The following PARD3 variants were observed in gnomAD, a reference collection of about 807,000 sequenced individuals.
PARD3 encodes par-3 family cell polarity regulator, also known as partitioning defective 3 homolog.
In PARD3, 75 loss-of-function variants were observed where a neutral mutation model predicts 155.4. That is an observed-to-expected ratio of 0.48 (90% CI 0.40 to 0.58). The LOEUF is 0.58. PARD3 is among the 20% of genes least tolerant of loss of function. The pLI, the probability that PARD3 is intolerant of heterozygous loss-of-function variation, is 0.00. For missense variants in PARD3, 1,642 were observed against 1,721.7 expected, an observed-to-expected ratio of 0.95 and a Z score of 0.82; for synonymous variants, 576 against 610.5, an observed-to-expected ratio of 0.94 and a Z score of 0.83.
At chr10:34,116,902 G>A (rs1203686753) in intron 24 of PARD3, among the ~76,000 whole-genome samples, 3 of 151,742 alleles carry the variant, frequency 2.0e-5, no homozygotes, top group Admixed American at 6.6e-5. Flanking sequence ...AGGCGCTTCC[G>A]CAGGGAGAGG....
rs1281473467 is a variant in PARD3 at position 34,697,082 on chromosome 10, C to T, written c.121-663G>A. On this transcript the variant is annotated intron_variant, in intron 1 of 24. Coordinates refer to ENST00000374788, the MANE Select transcript of PARD3 (RefSeq NM_001184785.2). ...CCCCTCAAAATTTGCAGTGGTTATCCTGCAGTGGGATTGAGGAGAAGGAAA... is the reference window on the plus strand; with the variant it reads ...CCCCTCAAAATTTGCAGTGGTTATCTTGCAGTGGGATTGAGGAGAAGGAAA... 2.1e-5 allele frequency among the ~76,000 whole-genome samples: 3 copies of T among 143,904 alleles called. No homozygotes were observed. In the East Asian group the frequency reaches 6.1e-4, roughly 29 times the overall value. 94.4% of individuals were successfully genotyped at this position (143,904 alleles called of 152,430 possible).
chr10:34,699,943 T>C (rs1413712691), intron 1 of PARD3, among the ~76,000 whole-genome samples: 2 of 152,210 alleles, frequency 1.3e-5, no homozygotes, highest in African/African-American at 2.4e-5. Context: ...TCTACAATAA[T>C]TGTATCAGTC....
intron 2 of PARD3, among the ~76,000 whole-genome samples, chr10:34,636,452 C>A (rs2092479015): frequency 6.6e-6 from 1 of 152,212 alleles, no homozygotes; most frequent in African/African-American, 2.4e-5. Context: ...GTCCCTCCAC[C>A]CCACCACAAA....
chr10:34,112,957 G>A (rs1457827222), intron 24 of PARD3, among the ~76,000 whole-genome samples: 3 of 152,124 alleles, frequency 2.0e-5, no homozygotes, highest in Admixed American at 6.6e-5. Flanking sequence ...TAGATGTGAT[G>A]GAATAGTTTA....
chr10:34,443,646 C>G (rs763374942), intron 5 of PARD3, among the ~76,000 whole-genome samples: 1 of 152,022 alleles, frequency 6.6e-6, no homozygotes, highest in South Asian at 2.1e-4. Context: ...GACCTGCCTG[C>G]CCCCATGATT....
chr10:34,198,126 A>T (rs1410869511), intron 22 of PARD3, among the ~76,000 whole-genome samples: 5 of 152,222 alleles, frequency 3.3e-5, no homozygotes, highest in Non-Finnish European at 5.9e-5. Context: ...TAACAGCAAG[A>T]TTCAGAAATT....
chr10:34,708,211 A>G (rs2133600581), intron 1 of PARD3, among the ~76,000 whole-genome samples: 1 of 151,120 alleles, frequency 6.6e-6, no homozygotes, highest in East Asian at 1.9e-4. Flanking sequence ...CCAGAATATG[A>G]GTTTTTCTTT....
At chr10:34,280,237 T>C (rs1956094538) in intron 21 of PARD3, among the ~76,000 whole-genome samples, 1 of 152,182 alleles carries the variant, frequency 6.6e-6, no homozygotes, top group Admixed American at 6.5e-5. Context: ...AAACATTTAA[T>C]ATGATTTTCT....
At chr10:34,183,366 T>A (rs946304496) in intron 22 of PARD3, among the ~76,000 whole-genome samples, 1 of 152,178 alleles carries the variant, frequency 6.6e-6, no homozygotes, top group Non-Finnish European at 1.5e-5. Flanking sequence ...AAGAAATAAT[T>A]TTTAGGCAGA....
intron 22 of PARD3, among the ~76,000 whole-genome samples, chr10:34,154,997 T>G (rs1452952231): frequency 6.6e-6 from 1 of 152,218 alleles, no homozygotes; most frequent in Non-Finnish European, 1.5e-5. Context: ...CAGGTAACAA[T>G]AATAGACAAG....
chr10:34,179,072 C>T (rs1371510665), intron 22 of PARD3, among the ~76,000 whole-genome samples: 2 of 152,064 alleles, frequency 1.3e-5, no homozygotes, highest in Non-Finnish European at 2.9e-5. Context: ...AGGGAAAATA[C>T]CAAAATAGGA....
chr10:34,808,604 G>A lies in PARD3; in HGVS notation c.120+6272C>T, dbSNP rs576923774. 2.6e-5 allele frequency among the ~76,000 whole-genome samples: 4 copies of A among 152,020 alleles called. No homozygotes were observed. In the East Asian group the frequency reaches 7.8e-4, roughly 29 times the overall value. On this transcript the variant is annotated intron_variant, in intron 1 of 24. Transcript: ENST00000374788. ...CCCGATGGAAAATTACCTATAGAAAGCACCTTCTGGCCCAATCTTACATGT... is the reference window on the plus strand; with the variant it reads ...CCCGATGGAAAATTACCTATAGAAAACACCTTCTGGCCCAATCTTACATGT...
At chr10:34,288,532 T>C (rs760704962) in intron 20 of PARD3, among the ~76,000 whole-genome samples, 14 of 152,214 alleles carry the variant, frequency 9.2e-5, no homozygotes, top group Non-Finnish European at 1.8e-4. Context: ...TCCTAATTTA[T>C]AGTTGCTTAA....
At chr10:34,376,043 C>T (rs1841200286) in intron 10 of PARD3, among the ~76,000 whole-genome samples, 1 of 151,936 alleles carries the variant, frequency 6.6e-6, no homozygotes, top group South Asian at 2.1e-4. Flanking sequence ...AATTTGTACT[C>T]AAACAAAAGA....
chr10:34,196,145 C>T (rs1424239672), intron 22 of PARD3, among the ~76,000 whole-genome samples: 2 of 152,194 alleles, frequency 1.3e-5, no homozygotes, highest in Non-Finnish European at 2.9e-5. Context: ...CTGTTGCTGG[C>T]CTGTGAGCTC....
chr10:34,213,402 C>T (rs1418956371), intron 22 of PARD3, among the ~76,000 whole-genome samples: 1 of 152,164 alleles, frequency 6.6e-6, no homozygotes, highest in Admixed American at 6.5e-5. Flanking sequence ...AGCACGCCCA[C>T]CATGCCCCAC....
chr10:34,142,533 A>C (rs1364858738), intron 22 of PARD3, among the ~76,000 whole-genome samples: 1 of 151,828 alleles, frequency 6.6e-6, no homozygotes, highest in Non-Finnish European at 1.5e-5. Context: ...AGACTCTGTC[A>C]AAGAAAAAGA....
intron 2 of PARD3, among the ~76,000 whole-genome samples, chr10:34,661,531 G>A (rs753126742): frequency 5.9e-5 from 9 of 152,144 alleles, no homozygotes; most frequent in Non-Finnish European, 1.3e-4. Context: ...GGGGAAAAAC[G>A]GGCAAATCTA....
At chr10:34,380,423 A>AT (rs2134723626) in intron 9 of PARD3, among the ~76,000 whole-genome samples, 1 of 152,234 alleles carries the variant, frequency 6.6e-6, no homozygotes, top group Admixed American at 6.5e-5. Context: ...ATGCAATCAT[A>AT]TTTTTCATTA....
Sources: allele counts gnomAD v4.1 joint callset (sites outside exome capture counted in the v4.1 genomes callset), GRCh38; gene constraint gnomAD v4.1.1; transcripts MANE v1.5; gene names NCBI Gene and HGNC (gene_info 2026-07-23, HGNC 2026-07-21).